The following IMPG1 variants were observed in gnomAD, a reference collection of about 807,000 sequenced individuals.
The protein encoded by IMPG1 is interphotoreceptor matrix proteoglycan 1.
A neutral mutation model predicts 92.0 loss-of-function variants in IMPG1; 85 were observed. The ratio of observed to expected loss-of-function variants is 0.92; its 90% CI spans 0.78 to 1.11. The LOEUF is 1.11. Ranked by LOEUF, IMPG1 falls within the 50% of genes least tolerant of loss-of-function variation. The pLI, the probability that IMPG1 is intolerant of heterozygous loss-of-function variation, is 0.00. For synonymous variants in IMPG1, 367 were observed against 334.1 expected, an observed-to-expected ratio of 1.10 and a Z score of -1.08; for missense variants, 1,022 against 956.0, an observed-to-expected ratio of 1.07 and a Z score of -0.91.
chr6:75,925,910 C>T (rs562917987), intron 15 of IMPG1, among the ~76,000 whole-genome samples: 38 of 152,250 alleles, frequency 2.5e-4, no homozygotes, highest in African/African-American at 7.9e-4. Context: ...AGGTGATCAC[C>T]CACCTCGGCT....
At chr6:76,057,105 T>G (rs1784132271) in intron 1 of IMPG1, among the ~76,000 whole-genome samples, 1 of 152,048 alleles carries the variant, frequency 6.6e-6, no homozygotes, top group Non-Finnish European at 1.5e-5. Context: ...TGAGAACACA[T>G]GGATACATGT....
chr6:75,964,751 A>G (rs140572684), intron 12 of IMPG1, among the ~76,000 whole-genome samples: 23 of 151,954 alleles, frequency 1.5e-4, no homozygotes, highest in African/African-American at 5.3e-4. Context: ...CATTACCCCT[A>G]ATAACATCCT....
intron 1 of IMPG1, among the ~76,000 whole-genome samples, chr6:76,071,200 G>T (rs1042449909): frequency 1.4e-5 from 2 of 147,772 alleles, no homozygotes; most frequent in African/African-American, 4.9e-5. Context: ...TTATATATTT[G>T]GAATTGTGTA....
rs373198321 is a variant in IMPG1, at chr6:75,924,696, A to G, written c.2244-990T>C. Among the ~76,000 whole-genome samples, 2 of 7,858 alleles carry G rather than the reference A, an allele frequency of 2.5e-4. 1 individual carries two copies. The highest frequency in any genetic ancestry group is 4.1e-4 in the Non-Finnish European group (2 of 4,916). The allele number at this position is 7,858 out of a possible 152,430, so 5.2% of individuals were successfully genotyped here. A position where few individuals can be genotyped will look rare whatever the true frequency, so the allele number is the denominator to read the frequency against. On this transcript the variant is annotated intron_variant, in intron 15 of 16. Transcript: ENST00000369950. ...TATATATTATATATTATATATAAAT[A>G]ATTATATATAATATATAATATATAA...
intron 12 of IMPG1, among the ~76,000 whole-genome samples, chr6:75,959,483 C>T (rs1021767557): frequency 3.9e-5 from 6 of 152,222 alleles, no homozygotes; most frequent in Admixed American, 2.6e-4. Flanking sequence ...CCCCTTCCCC[C>T]AGGTGCTCTG....
intron 4 of IMPG1, among the ~76,000 whole-genome samples, chr6:76,028,562 G>T (rs1359155970): frequency 6.6e-6 from 1 of 152,214 alleles, no homozygotes. Flanking sequence ...GGACACGGTG[G>T]CTCACGCCTG....
chr6:76,025,190 T>A lies in IMPG1; in HGVS notation c.562+4A>T. On this transcript the variant is annotated splice_donor_region_variant and intron_variant, in intron 5 of 16. Coordinates refer to ENST00000369950, the MANE Select transcript of IMPG1 (RefSeq NM_001563.4). ...AGAAGCAAAGAAATTAGATCTAAGCTTACCTGTTGAAATGACAATGGTTTC... is the reference window on the plus strand; with the variant it reads ...AGAAGCAAAGAAATTAGATCTAAGCATACCTGTTGAAATGACAATGGTTTC... 6.4e-7 allele frequency: 1 copy of A among 1,570,012 alleles called. No individual in the cohort carries two copies. The highest frequency in any genetic ancestry group is 2.2e-5 in the East Asian group (1 of 44,516).
intron 13 of IMPG1, among the ~76,000 whole-genome samples, chr6:75,949,759 G>C (rs1450453806): frequency 6.6e-6 from 1 of 152,124 alleles, no homozygotes; most frequent in Non-Finnish European, 1.5e-5. Flanking sequence ...AGATAGCCCA[G>C]ATAAAGTCTT....
rs74721228 is a variant in IMPG1, at chr6:76,071,746, T to C, written c.67+676A>G. On this transcript the variant is annotated intron_variant, in intron 1 of 16. Coordinates refer to ENST00000369950, the MANE Select transcript of IMPG1 (RefSeq NM_001563.4). ...ATTATGATAGGTAGGCTTATCCTTA[T>C]ATAAAAAAGTCAAACTTTCTCCAAC... 6.9e-3 allele frequency among the ~76,000 whole-genome samples: 1,043 copies of C among 152,236 alleles called. 9 individuals are homozygous for C. Among genetic ancestry groups the C allele is most frequent in the African/African-American group, 0.023 (977 of 41,578 alleles).
intron 12 of IMPG1, among the ~76,000 whole-genome samples, chr6:75,996,449 T>A (rs1223725266): frequency 6.6e-6 from 1 of 152,204 alleles, no homozygotes; most frequent in African/African-American, 2.4e-5. Context: ...ACTGCTTTTA[T>A]CCCCGCATAA....
intron 12 of IMPG1, among the ~76,000 whole-genome samples, chr6:75,978,354 T>C (rs947436749): frequency 2.6e-5 from 4 of 152,146 alleles, no homozygotes; most frequent in Non-Finnish European, 5.9e-5. Flanking sequence ...TATCTTTGCT[T>C]TTAATAAGTT....
At chr6:75,963,109 A>G (rs1045247931) in intron 12 of IMPG1, among the ~76,000 whole-genome samples, 1 of 152,100 alleles carries the variant, frequency 6.6e-6, no homozygotes, top group Non-Finnish European at 1.5e-5. Context: ...CAGCAGATTG[A>G]TTGGCTGAGA....
chr6:75,961,445 C>T (rs975833099), intron 12 of IMPG1, among the ~76,000 whole-genome samples: 1 of 152,126 alleles, frequency 6.6e-6, no homozygotes, highest in African/African-American at 2.4e-5. Flanking sequence ...ATGTGCCAGG[C>T]ATTATTCCAG....
At chr6:76,053,646 T>G (rs1243065603) in intron 1 of IMPG1, among the ~76,000 whole-genome samples, 1 of 152,092 alleles carries the variant, frequency 6.6e-6, no homozygotes, top group African/African-American at 2.4e-5. Flanking sequence ...TTGCTAAGAG[T>G]GCTACATATT....
At chr6:75,986,754 AAT>A (rs1038302454) in intron 12 of IMPG1, among the ~76,000 whole-genome samples, 6 of 152,308 alleles carry the variant, frequency 3.9e-5, no homozygotes, top group African/African-American at 1.4e-4. Context: ...GGAAAAAAAA[AAT>A]GAGACTCCCT....
intron 12 of IMPG1, among the ~76,000 whole-genome samples, chr6:75,961,012 T>TA (rs1157751698): frequency 1.3e-5 from 2 of 152,126 alleles, no homozygotes; most frequent in Non-Finnish European, 2.9e-5. Flanking sequence ...CCACAAATGA[T>TA]ATGGTCCAAC....
At chr6:75,934,884 A>G in intron 14 of IMPG1, 2 of 461,742 alleles carry the variant, frequency 4.3e-6, no homozygotes, top group Non-Finnish European at 4.6e-6. Context: ...AACATTTATC[A>G]TATCATCTCC....
intron 12 of IMPG1, among the ~76,000 whole-genome samples, chr6:75,984,162 T>C (rs2149470704): frequency 6.6e-6 from 1 of 152,280 alleles, no homozygotes; most frequent in African/African-American, 2.4e-5. Flanking sequence ...GTACAGAAGT[T>C]CCACAAAAAA....
intron 1 of IMPG1, among the ~76,000 whole-genome samples, chr6:76,047,750 T>C (rs1783971143): frequency 6.6e-6 from 1 of 152,212 alleles, no homozygotes; most frequent in Non-Finnish European, 1.5e-5. Context: ...TGAATTAGAT[T>C]TGTTTTAAAA....
Sources: gnomAD v4.1 joint callset for allele counts (sites outside exome capture counted in the v4.1 genomes callset) on GRCh38, gnomAD v4.1.1 for gene constraint, MANE v1.5 for transcripts, NCBI Gene and HGNC (gene_info 2026-07-23, HGNC 2026-07-21) for gene names.